The following HYCC2 variants were observed in gnomAD, a reference collection of about 807,000 sequenced individuals.
HYCC2 encodes hyccin PI4KA lipid kinase complex subunit 2.
the HYCC2 span, among the ~76,000 whole-genome samples, chr2:201,011,171 A>C: frequency 1.3e-5 from 2 of 152,068 alleles, no homozygotes; most frequent in Non-Finnish European, 2.9e-5. Flanking sequence ...AACAAACAAA[A>C]AAGATACTGA....
chr2:201,003,958 T>C, the HYCC2 span, among the ~76,000 whole-genome samples: 6 of 151,588 alleles, frequency 4.0e-5, no homozygotes, highest in Non-Finnish European at 8.8e-5. Flanking sequence ...GGATTACAGG[T>C]GCCCACCATC....
chr2:201,059,793 C>A, the HYCC2 span, among the ~76,000 whole-genome samples: 1 of 152,080 alleles, frequency 6.6e-6, no homozygotes, highest in Non-Finnish European at 1.5e-5. Flanking sequence ...TGCCTGTAAT[C>A]CTCGCACTTT....
the HYCC2 span, chr2:201,067,311 T>C: frequency 6.5e-6 from 1 of 152,878 alleles, no homozygotes; most frequent in African/African-American, 2.4e-5. Flanking sequence ...TGGATAAATT[T>C]GATTCTAACA....
At chr2:201,044,839 A>G in the HYCC2 span, among the ~76,000 whole-genome samples, 1 of 152,154 alleles carries the variant, frequency 6.6e-6, no homozygotes, top group African/African-American at 2.4e-5. Flanking sequence ...GTGAATACCA[A>G]TTACATGCTA....
the HYCC2 span, among the ~76,000 whole-genome samples, chr2:201,004,259 C>G: frequency 2.0e-5 from 3 of 152,182 alleles, no homozygotes; most frequent in Non-Finnish European, 4.4e-5. Flanking sequence ...GAATTTGAAG[C>G]GTGCATAAGT....
chr2:201,029,108 A>C, the HYCC2 span, among the ~76,000 whole-genome samples: 1 of 152,350 alleles, frequency 6.6e-6, no homozygotes, highest in African/African-American at 2.4e-5. Flanking sequence ...ACAGATTTAC[A>C]AGAAAAAATC....
At chr2:201,069,805 C>T in the HYCC2 span, among the ~76,000 whole-genome samples, 1 of 152,064 alleles carries the variant, frequency 6.6e-6, no homozygotes, top group Non-Finnish European at 1.5e-5. Flanking sequence ...CTGAGAACAT[C>T]TGGGAACAAA....
chr2:201,063,351 G>A, the HYCC2 span: 182 of 1,564,540 alleles, frequency 1.2e-4, 2 homozygotes, highest in South Asian at 1.8e-3. Context: ...GAACCAAAGA[G>A]AGCTGTCTCG....
At chr2:201,049,633 G>A in the HYCC2 span, among the ~76,000 whole-genome samples, 9 of 151,858 alleles carry the variant, frequency 5.9e-5, no homozygotes, top group Non-Finnish European at 1.0e-4. Flanking sequence ...GATTACAGGC[G>A]TAAGCCACCG....
At chr2:201,026,119 G>C in the HYCC2 span, among the ~76,000 whole-genome samples, 3 of 152,192 alleles carry the variant, frequency 2.0e-5, no homozygotes, top group Non-Finnish European at 4.4e-5. Flanking sequence ...GATGGAGGAA[G>C]AGCTACCAAG....
the HYCC2 span, among the ~76,000 whole-genome samples, chr2:201,013,103 T>C: frequency 1.3e-5 from 2 of 152,164 alleles, no homozygotes; most frequent in East Asian, 1.9e-4. Context: ...ATAAAATCCA[T>C]AGAAAGAAGA....
chr2:200,982,018 G>C, the HYCC2 span: 20 of 816,280 alleles, frequency 2.5e-5, no homozygotes, highest in South Asian at 1.0e-4. Flanking sequence ...ATAATTTAGG[G>C]GAAATCTTAA....
chr2:201,029,231 GAAA>G, the HYCC2 span, among the ~76,000 whole-genome samples: 2 of 152,192 alleles, frequency 1.3e-5, no homozygotes, highest in Admixed American at 1.3e-4. Context: ...GGTTATCAGA[GAAA>G]TGCAAATCAA....
the HYCC2 span, among the ~76,000 whole-genome samples, chr2:201,033,467 G>A: frequency 5.9e-3 from 897 of 151,440 alleles, 3 homozygotes; most frequent in Non-Finnish European, 0.011. Flanking sequence ...GCAGTGGCGC[G>A]ATCTCGGCTC....
At chr2:201,041,845 T>C in the HYCC2 span, among the ~76,000 whole-genome samples, 59 of 152,352 alleles carry the variant, frequency 3.9e-4, no homozygotes, top group African/African-American at 1.3e-3. Flanking sequence ...TTTAAACCCT[T>C]TGGGCTTCAG....
At chr2:201,008,420 T>C in the HYCC2 span, among the ~76,000 whole-genome samples, 1 of 152,228 alleles carries the variant, frequency 6.6e-6, no homozygotes, top group Admixed American at 6.5e-5. Context: ...AGTCTTCTCA[T>C]ACCAAACTTG....
chr2:201,005,256 A>C, the HYCC2 span, among the ~76,000 whole-genome samples: 1 of 152,230 alleles, frequency 6.6e-6, no homozygotes, highest in East Asian at 1.9e-4. Flanking sequence ...GCCAATTATC[A>C]CTGGAGAGAT....
At chr2:200,991,911 T>C in the HYCC2 span, among the ~76,000 whole-genome samples, 1 of 149,480 alleles carries the variant, frequency 6.7e-6, no homozygotes, top group African/African-American at 2.5e-5. Context: ...AAAATCCTAA[T>C]GGCTTAGAAT....
the HYCC2 span, among the ~76,000 whole-genome samples, chr2:200,982,261 C>T: frequency 9.8e-4 from 148 of 151,600 alleles, no homozygotes; most frequent in Non-Finnish European, 1.5e-3. Context: ...TCCCCTCATA[C>T]CTTCTTTAAC....
Sources: gnomAD v4.1 joint callset for allele counts (sites outside exome capture counted in the v4.1 genomes callset) on GRCh38, gnomAD v4.1.1 for gene constraint, MANE v1.5 for transcripts, NCBI Gene and HGNC (gene_info 2026-07-23, HGNC 2026-07-21) for gene names.